CAPN9: variants seen among roughly 807,000 people sequenced by gnomAD.
CAPN9 encodes calpain-9.
In CAPN9, 81 loss-of-function variants were observed where a neutral mutation model predicts 92.8. That is an observed-to-expected ratio of 0.87 (90% CI 0.73 to 1.05). The LOEUF (loss-of-function observed/expected upper bound fraction) is 1.05. CAPN9 is among the 50% of genes least tolerant of loss of function. CAPN9 has a pLI of 0.00. For missense variants in CAPN9, 848 were observed against 866.2 expected, an observed-to-expected ratio of 0.98 and a Z score of 0.26; for synonymous variants, 304 against 328.0, an observed-to-expected ratio of 0.93 and a Z score of 0.79.
chr1:230,772,631 C>T (rs1424542168), intron 7 of CAPN9, among the ~76,000 whole-genome samples: 2 of 152,078 alleles, frequency 1.3e-5, no homozygotes, highest in Non-Finnish European at 2.9e-5. Flanking sequence ...AATTCCAACA[C>T]GTCAGCAAGC....
At chr1:230,763,516 A>T (rs1665778379) in intron 4 of CAPN9, among the ~76,000 whole-genome samples, 1 of 152,220 alleles carries the variant, frequency 6.6e-6, no homozygotes, top group African/African-American at 2.4e-5. Flanking sequence ...ATCACCAGCC[A>T]AATGGCCTCA....
At chr1:230,751,139 C>T (rs1442617842) in intron 1 of CAPN9, among the ~76,000 whole-genome samples, 1 of 152,192 alleles carries the variant, frequency 6.6e-6, no homozygotes, top group Non-Finnish European at 1.5e-5. Flanking sequence ...CCCATGTGAA[C>T]AACCCCTGTG....
intron 15 of CAPN9, 129 bp from the exon 16 acceptor site, chr1:230,792,297 C>T: frequency 1.4e-6 from 1 of 724,224 alleles, no homozygotes; most frequent in South Asian, 1.7e-5. Context: ...AACCACTTCC[C>T]CAGGGCCCCA....
chr1:230,769,068 G>A, intron 5 of CAPN9, 112 bp from the exon 6 acceptor site: 1 of 807,856 alleles, frequency 1.2e-6, no homozygotes, highest in Non-Finnish European at 2.1e-6. Context: ...TGCACCTGGG[G>A]CAGCAGAAGG....
chr1:230,790,178 T>C lies in CAPN9; in HGVS notation c.1646T>C (p.Val549Ala). 1.9e-6 allele frequency: 3 copies of C among 1,614,124 alleles called. No individual in the cohort carries two copies. The highest frequency in any genetic ancestry group is 2.5e-6 in the Non-Finnish European group (3 of 1,180,004). ...AEELEYVLNA[V>A]LQKKKDIKFK... is the part of the protein sequence containing the mutation. ...GAACTTGAGTATGTTTTAAATGCTG[T>C]GCTGCAAAAGAGTAAGTGCCAACCC... is the stretch of plus-strand genomic sequence containing the variant. Residue 549 changes from valine to alanine, a missense_variant, in exon 14 of 20, where the codon GTG (valine) becomes GCG (alanine). Transcript: ENST00000271971.
intron 1 of CAPN9, among the ~76,000 whole-genome samples, chr1:230,751,523 GA>G (rs1371534610): frequency 7.4e-6 from 1 of 134,252 alleles, no homozygotes; most frequent in Non-Finnish European, 1.6e-5. Context: ...AGGAAGGAGA[GA>G]AAGAGAAAGA....
chr1:230,762,711 G>C lies in CAPN9; in HGVS notation c.461G>C (p.Arg154Thr). Residue 154 changes from arginine (R) to threonine (T), a missense_variant, in exon 4 of 20, where the codon AGG (arginine) becomes ACG (threonine). By Grantham distance (71) the Arg-to-Thr change is moderately conservative. Coordinates refer to ENST00000271971, the MANE Select transcript of CAPN9 (RefSeq NM_006615.3). The part of the protein sequence containing the change: ...VVIDDRLPTF[R>T]DRLVFLHSAD... ...ATCGATGACCGCCTGCCCACCTTCA[G>C]GGACCGCTTGGTTTTCCTCCACTCT... The C allele has an allele frequency of 6.2e-7, 1 of 1,614,180 alleles. No homozygotes were observed. Among genetic ancestry groups the C allele is most frequent in the South Asian group, 1.1e-5 (1 of 91,084 alleles).
At chr1:230,792,397 T>C in intron 15 of CAPN9, 29 bp from the exon 16 acceptor site, 1 of 1,602,356 alleles carries the variant, frequency 6.2e-7, no homozygotes, top group Non-Finnish European at 8.6e-7. Context: ...GAAACACTGC[T>C]CATGTCTCCC....
chr1:230,761,591 G>A (rs1558088593), intron 3 of CAPN9, among the ~76,000 whole-genome samples: 1 of 148,030 alleles, frequency 6.8e-6, no homozygotes, highest in East Asian at 2.0e-4. Flanking sequence ...CAGCCACATC[G>A]TGGCCAACTC....
Position 230,747,685 on chromosome 1 carries a change from C to T in CAPN9, c.189C>T (p.Ile63=), listed in dbSNP as rs780029795. Residue 63 remains isoleucine, a synonymous_variant, in exon 1 of 20, where the codon ATC becomes ATT. Transcript: ENST00000271971. ...SSLFYSERPQ[I]PFVWKRPGEI... ...TGTTCTACAGTGAGAGGCCGCAGAT[C>T]CCCTTTGTGTGGAAACGACCAGGGG... 1 of 1,614,068 alleles carries T rather than the reference C, an allele frequency of 6.2e-7. No homozygotes were observed. The highest frequency in any genetic ancestry group is 1.7e-5 in the Admixed American group (1 of 60,008).
intron 6 of CAPN9, among the ~76,000 whole-genome samples, chr1:230,769,679 AT>A (rs1666264248): frequency 7.4e-6 from 1 of 136,012 alleles, no homozygotes; most frequent in Admixed American, 7.4e-5. Flanking sequence ...CTATCTATCT[AT>A]CTACATCACA....
At chr1:230,787,171 GAAGT>G (rs2102915812) in intron 12 of CAPN9, among the ~76,000 whole-genome samples, 1 of 152,314 alleles carries the variant, frequency 6.6e-6, no homozygotes, top group East Asian at 1.9e-4. Context: ...AACAGATGAT[GAAGT>G]AAGTCATTCC....
At chr1:230,766,516 C>T (rs1006162046) in intron 4 of CAPN9, among the ~76,000 whole-genome samples, 4 of 152,076 alleles carry the variant, frequency 2.6e-5, no homozygotes, top group African/African-American at 9.7e-5. Flanking sequence ...TCCTCAAAAC[C>T]GTCAAGGTCA....
chr1:230,763,970 C>T (rs1665805696), intron 4 of CAPN9, among the ~76,000 whole-genome samples: 1 of 152,054 alleles, frequency 6.6e-6, no homozygotes, highest in Non-Finnish European at 1.5e-5. Context: ...AGGATGCAAG[C>T]AAGGCAACAG....
intron 18 of CAPN9, among the ~76,000 whole-genome samples, chr1:230,797,376 G>A (rs28359735): frequency 0.014 from 2,059 of 152,218 alleles, 32 homozygotes; most frequent in Non-Finnish European, 0.019. Context: ...CACACCTAAC[G>A]AAATTCTCAG....
At chr1:230,776,423 A>T (rs143028846) in intron 8 of CAPN9, 2 of 152,164 alleles carry the variant, frequency 1.3e-5, no homozygotes, top group Non-Finnish European at 2.9e-5. Context: ...GATTTACCCA[A>T]TGTTTTGCCA....
At chr1:230,796,611 C>T (rs1234697718) in intron 18 of CAPN9, among the ~76,000 whole-genome samples, 2 of 152,142 alleles carry the variant, frequency 1.3e-5, no homozygotes, top group Non-Finnish European at 2.9e-5. Flanking sequence ...TCTAGTATAT[C>T]AAGCCAGGAA....
chr1:230,780,434 T>A, intron 10 of CAPN9, 66 bp from the exon 11 acceptor site: 1 of 1,601,234 alleles, frequency 6.2e-7, no homozygotes, highest in South Asian at 1.1e-5. Context: ...CAAGAGTCCA[T>A]GAATTGTGTC....
chr1:230,767,498 C>T, intron 4 of CAPN9, 43 bp from the exon 5 acceptor site: 4 of 1,547,116 alleles, frequency 2.6e-6, no homozygotes, highest in Non-Finnish European at 3.5e-6. Flanking sequence ...AGTGGCCTCC[C>T]TAGGTCCCTG....
Sources: gnomAD v4.1 joint callset for allele counts (sites outside exome capture counted in the v4.1 genomes callset) on GRCh38, gnomAD v4.1.1 for gene constraint, MANE v1.5 for transcripts, NCBI Gene and HGNC (gene_info 2026-07-23, HGNC 2026-07-21) for gene names.